The following KAZN variants were observed in gnomAD, a reference collection of about 807,000 sequenced individuals.
KAZN encodes the protein kazrin, periplakin interacting protein.
Under a neutral mutation model 87.4 loss-of-function variants are expected in KAZN, and 40 were observed. The observed-to-expected ratio is 0.46, with a 90% CI of 0.36 to 0.60. The LOEUF (loss-of-function observed/expected upper bound fraction) is 0.60, where lower values mean the gene tolerates loss of function less well. Among genes scored for constraint, KAZN ranks in the 20% least tolerant of loss-of-function variants. The pLI is 0.00. For synonymous variants in KAZN, 466 were observed against 458.3 expected (o/e 1.02, Z -0.22); for missense variants, 898 against 1,073.9 (o/e 0.84, Z 2.29).
intron 1 of KAZN, among the ~76,000 whole-genome samples, chr1:14,123,626 A>G (rs989594574): frequency 6.6e-6 from 1 of 152,208 alleles, no homozygotes; most frequent in Non-Finnish European, 1.5e-5. Context: ...GGCAATTCCA[A>G]TAGAGTCAAC....
intron 1 of KAZN, among the ~76,000 whole-genome samples, chr1:13,895,228 G>T (rs534526426): frequency 7.2e-4 from 109 of 152,268 alleles, no homozygotes; most frequent in African/African-American, 2.4e-3. Flanking sequence ...TGTCCAGAAG[G>T]TTGAAAATCT....
At chr1:13,988,146 A>G (rs771045782) in intron 1 of KAZN, among the ~76,000 whole-genome samples, 12 of 152,230 alleles carry the variant, frequency 7.9e-5, no homozygotes, top group Non-Finnish European at 1.2e-4. Flanking sequence ...GGGGGGACAC[A>G]GGCAAACCAT....
chr1:14,702,707 T>G (rs1331458671), intron 1 of KAZN, among the ~76,000 whole-genome samples: 1 of 152,208 alleles, frequency 6.6e-6, no homozygotes, highest in African/African-American at 2.4e-5. Flanking sequence ...GTATTCTTTT[T>G]GAGAGTCACC....
chr1:15,019,720 T>C (rs1231936898), intron 2 of KAZN, among the ~76,000 whole-genome samples: 1 of 152,178 alleles, frequency 6.6e-6, no homozygotes, highest in Admixed American at 6.5e-5. Flanking sequence ...GGGAGAATGA[T>C]GGCATTACCT....
At chr1:13,990,522 G>C (rs1454293199) in intron 1 of KAZN, among the ~76,000 whole-genome samples, 1 of 152,158 alleles carries the variant, frequency 6.6e-6, no homozygotes, top group African/African-American at 2.4e-5. Flanking sequence ...TGACCATGGT[G>C]AGTAGGGGAA....
chr1:14,367,173 G>A (rs1398337229), intron 2 of KAZN, among the ~76,000 whole-genome samples: 2 of 152,170 alleles, frequency 1.3e-5, no homozygotes, highest in African/African-American at 4.8e-5. Flanking sequence ...AGGTTGCAGT[G>A]AACTAAGATC....
At chr1:15,109,862 T>C (rs891549518) in intron 13 of KAZN, among the ~76,000 whole-genome samples, 18 of 151,224 alleles carry the variant, frequency 1.2e-4, no homozygotes, top group African/African-American at 4.1e-4. Context: ...TGTGCGTGTA[T>C]ATATGTGTGT....
chr1:14,799,279 T>G (rs999680078), intron 1 of KAZN, among the ~76,000 whole-genome samples: 1 of 152,238 alleles, frequency 6.6e-6, no homozygotes, highest in Non-Finnish European at 1.5e-5. Flanking sequence ...CTTCTTAAGT[T>G]GAGGTAAACT....
chr1:14,746,455 C>T (rs986328749), intron 1 of KAZN, among the ~76,000 whole-genome samples: 2 of 152,148 alleles, frequency 1.3e-5, no homozygotes, highest in African/African-American at 2.4e-5. Flanking sequence ...CAGACAATTA[C>T]TTCAAACACC....
rs767575064 is a variant in KAZN, at chr1:15,065,844, G to A, written c.1222+91G>A. 7.0e-6 allele frequency: 11 copies of A among 1,573,554 alleles called. No homozygotes were observed. In the Admixed American group the frequency reaches 1.5e-4, roughly 21 times the overall value. ...TGCCCGCAGGCGTGTCTGTGCGTGT[G>A]GGCGTGTGTGCAAGCGAGCGTGGGT... On this transcript the variant is annotated intron_variant, in intron 8 of 14. Transcript: ENST00000376030.
At chr1:14,395,548 T>C (rs901194082) in intron 2 of KAZN, among the ~76,000 whole-genome samples, 9 of 152,088 alleles carry the variant, frequency 5.9e-5, no homozygotes, top group Non-Finnish European at 1.0e-4. Context: ...TGGAGGAACA[T>C]AGCTACTAAC....
At chr1:14,758,941 AAG>A (rs1644656011) in intron 1 of KAZN, among the ~76,000 whole-genome samples, 1 of 152,090 alleles carries the variant, frequency 6.6e-6, no homozygotes, top group Non-Finnish European at 1.5e-5. Flanking sequence ...GCATGAAAGT[AAG>A]AGAGCTGGAG....
chr1:13,949,870 A>G (rs1002766977), intron 1 of KAZN, among the ~76,000 whole-genome samples: 2 of 152,212 alleles, frequency 1.3e-5, no homozygotes, highest in Admixed American at 6.5e-5. Context: ...CACAGCCGAG[A>G]CACCATCCAG....
intron 1 of KAZN, among the ~76,000 whole-genome samples, chr1:14,796,115 C>T (rs896618742): frequency 3.9e-5 from 6 of 152,180 alleles, no homozygotes; most frequent in African/African-American, 2.4e-5. Context: ...CCCCTCCAGT[C>T]GGACATGCTA....
At chr1:14,570,621 CCATT>C (rs1674805823) in intron 2 of KAZN, among the ~76,000 whole-genome samples, 1 of 152,178 alleles carries the variant, frequency 6.6e-6, no homozygotes, top group African/African-American at 2.4e-5. Context: ...TTTTATTTAA[CCATT>C]CATCAGTTGA....
At chr1:14,603,217 G>A (rs896305615) in intron 1 of KAZN, among the ~76,000 whole-genome samples, 1 of 152,216 alleles carries the variant, frequency 6.6e-6, no homozygotes, top group African/African-American at 2.4e-5. Context: ...GTTTTCCTAA[G>A]TAGACTTTTA....
chr1:14,414,639 T>C (rs1196022343), intron 2 of KAZN, among the ~76,000 whole-genome samples: 2 of 152,162 alleles, frequency 1.3e-5, no homozygotes, highest in African/African-American at 4.8e-5. Context: ...TATGTGTGTG[T>C]GTGTTATACG....
chr1:14,368,934 G>A (rs895635226), intron 2 of KAZN, among the ~76,000 whole-genome samples: 1 of 152,132 alleles, frequency 6.6e-6, no homozygotes, highest in African/African-American at 2.4e-5. Context: ...TAGTACCTGT[G>A]TCAGGCAGGA....
intron 2 of KAZN, among the ~76,000 whole-genome samples, chr1:14,502,956 A>G (rs1360908737): frequency 2.0e-5 from 3 of 152,192 alleles, no homozygotes; most frequent in Non-Finnish European, 4.4e-5. Context: ...AAAACCCACA[A>G]TCATTCTTCT....
Sources: allele counts gnomAD v4.1 joint callset (sites outside exome capture counted in the v4.1 genomes callset), GRCh38; gene constraint gnomAD v4.1.1; transcripts MANE v1.5; gene names NCBI Gene and HGNC (gene_info 2026-07-23, HGNC 2026-07-21).